Variants in PTPRA observed in about 807,000 individuals in gnomAD.
PTPRA encodes the protein protein tyrosine phosphatase receptor type A, also known as receptor-type tyrosine-protein phosphatase alpha.
Under a neutral mutation model 104.8 loss-of-function variants are expected in PTPRA, and 25 were observed. The ratio of observed to expected loss-of-function variants is 0.24; its 90% CI spans 0.17 to 0.33. PTPRA has a LOEUF of 0.33. PTPRA is among the 10% of genes least tolerant of loss of function. The pLI, the probability that PTPRA is intolerant of heterozygous loss-of-function variation, is 1.00. For synonymous variants in PTPRA, 323 were observed against 368.9 expected, an observed-to-expected ratio of 0.88 and a Z score of 1.43; for missense variants, 765 against 1,015.3, an observed-to-expected ratio of 0.75 and a Z score of 3.35.
Position 3,022,034 on chromosome 20 carries a change from A to AAG in PTPRA, c.1162-20_1162-19insAG. 1 of 1,613,678 alleles carries AAG rather than the reference A, an allele frequency of 6.2e-7. No individual in the cohort carries two copies. The highest frequency in any genetic ancestry group is 1.1e-5 in the South Asian group (1 of 91,034). ...CCCTTGGGTATCAGGGCCAACACAC[A>AAG]GGATCTCCTCACTTCACAGGTGGGC... On this transcript the variant is annotated intron_variant, in intron 14 of 23. Coordinates refer to ENST00000399903, the MANE Select transcript of PTPRA (RefSeq NM_001385305.1). This position sits in a 1 kb window ranked among gnomAD's most constrained non-coding sequence, Gnocchi z 4.6.
rs1383426976 is a variant in PTPRA, at chr20:3,035,773, TC to T, written c.2047-13del. On this transcript the variant is annotated splice_polypyrimidine_tract_variant and intron_variant, in intron 21 of 23. Coordinates refer to ENST00000399903, the MANE Select transcript of PTPRA (RefSeq NM_001385305.1). This position sits in a 1 kb window ranked among gnomAD's most constrained non-coding sequence, Gnocchi z 5.8. ...AGCAGGGTTACCCCTGCCTCCCTGA[TC>T]CCCTTTTTTCCAAAGGAGAATAAGA... 2.0e-5 allele frequency: 32 copies of T among 1,614,092 alleles called. No individual in the cohort carries two copies. The highest frequency in any genetic ancestry group is 2.3e-5 in the Non-Finnish European group (27 of 1,180,016).
chr20:2,994,091 C>T (rs1009045389), intron 9 of PTPRA, among the ~76,000 whole-genome samples: 2 of 152,198 alleles, frequency 1.3e-5, no homozygotes, highest in South Asian at 4.1e-4. Flanking sequence ...AAGTAGCTAC[C>T]TCAAGGCCAG....
chr20:3,035,598 A>C lies in PTPRA; in HGVS notation c.1934A>C (p.Gln645Pro). 1 of 1,612,250 alleles carries C rather than the reference A, an allele frequency of 6.2e-7. No individual in the cohort carries two copies. Among genetic ancestry groups the C allele is most frequent in the Non-Finnish European group, 8.5e-7 (1 of 1,178,298 alleles). Reference protein sequence around the residue: ...LEERGQEKCAQYWPSDGLVSY... With the variant: ...LEERGQEKCAPYWPSDGLVSY... The stretch of plus-strand genomic sequence containing the variant: ...CTGTCTCTCCAGGAGAAGTGTGCCC[A>C]GTACTGGCCATCTGATGGACTGGTG... The change falls in exon 21 of 24, where the codon CAG (glutamine) becomes CCG (proline). Residue 645 changes from glutamine to proline, a missense_variant. By Grantham distance (76) the Gln-to-Pro change is moderately conservative. Transcript: ENST00000399903. This position sits in a 1 kb window ranked among gnomAD's most constrained non-coding sequence, Gnocchi z 5.8.
At chr20:2,913,235 G>C (rs6138945) in intron 1 of PTPRA, among the ~76,000 whole-genome samples, 5,735 of 152,112 alleles carry the variant, frequency 0.038, 269 homozygotes, top group Admixed American at 0.11. Flanking sequence ...AAAATGAGCC[G>C]AGCTTGGTGG....
At chr20:2,871,449 A>T (rs2089426069), upstream of PTPRA, among the ~76,000 whole-genome samples, 1 of 152,156 alleles carries the variant, frequency 6.6e-6, no homozygotes, top group Admixed American at 6.5e-5. Context: ...TGCAATCACT[A>T]TTTCAGTTAT....
Position 3,035,821 on chromosome 20 carries a change from A to G in PTPRA, c.2078A>G (p.His693Arg). 3.1e-6 allele frequency: 5 copies of G among 1,614,170 alleles called. No homozygotes were observed. Among genetic ancestry groups the G allele is most frequent in the Admixed American group, 1.7e-5 (1 of 60,032 alleles). Residue 693 changes from histidine to arginine, a missense_variant, in exon 22 of 24, where the codon CAC becomes CGC. Around this residue, in one of 4 missense-constraint regions of PTPRA, gnomAD observed 192 missense variants for 227.0 expected, o/e 0.85. Transcript: ENST00000399903. This position sits in a 1 kb window ranked among gnomAD's most constrained non-coding sequence, Gnocchi z 5.8. ...ENKSRQIRQF[H>R]FHGWPEVGIP... ...AAGAGCCGGCAGATCCGGCAGTTCC[A>G]CTTCCATGGCTGGCCTGAAGTGGGC...
intron 1 of PTPRA, among the ~76,000 whole-genome samples, chr20:2,892,289 CA>C (rs34741114): frequency 0.44 from 35,782 of 80,646 alleles, 3,904 homozygotes; most frequent in South Asian, 0.58. Context: ...GACTCTGTCT[CA>C]AAAAAAAAAA....
At chr20:2,926,161 C>A (rs1214465241) in intron 2 of PTPRA, among the ~76,000 whole-genome samples, 1 of 151,714 alleles carries the variant, frequency 6.6e-6, no homozygotes, top group East Asian at 1.9e-4. Context: ...GGGAATTTAC[C>A]TTACACTATC....
rs1242769053 is a variant in PTPRA at position 2,984,250 on chromosome 20, CATCT to C, written c.443-2514_443-2511del. 5.3e-5 allele frequency among the ~76,000 whole-genome samples: 8 copies of C among 152,260 alleles called. No individual in the cohort carries two copies. In the East Asian group the frequency reaches 9.7e-4, roughly 18 times the overall value. On this transcript the variant is annotated intron_variant, in intron 6 of 23. Coordinates refer to ENST00000399903, the MANE Select transcript of PTPRA (RefSeq NM_001385305.1). ...TGTCCACCTCACTCACATCTCCCTC[CATCT>C]GTCATTCCTTTCCTCTGCATCCCTT...
chr20:3,019,701 G>A (rs1396579092), intron 13 of PTPRA, among the ~76,000 whole-genome samples: 5 of 152,296 alleles, frequency 3.3e-5, no homozygotes, highest in African/African-American at 4.8e-5. Context: ...CAATCTCGGC[G>A]CTTTGGGAGG....
At chr20:2,902,033 G>C (rs527980054) in intron 1 of PTPRA, among the ~76,000 whole-genome samples, 24 of 151,898 alleles carry the variant, frequency 1.6e-4, no homozygotes, top group Admixed American at 4.6e-4. Flanking sequence ...CTACAGGTGA[G>C]CATTACCACA....
chr20:2,937,438 TGGTACA>T (rs1275448244), intron 2 of PTPRA, among the ~76,000 whole-genome samples: 1 of 152,172 alleles, frequency 6.6e-6, no homozygotes, highest in South Asian at 2.1e-4. Context: ...TCCTTCTTTA[TGGTACA>T]GTTGTCTTAA....
At chr20:2,935,405 A>G (rs1384219788) in intron 2 of PTPRA, among the ~76,000 whole-genome samples, 2 of 152,178 alleles carry the variant, frequency 1.3e-5, no homozygotes, top group African/African-American at 4.8e-5. Flanking sequence ...AATGAATGAA[A>G]ACACTTAGGT....
chr20:2,898,714 C>A (rs968433425), intron 1 of PTPRA, among the ~76,000 whole-genome samples: 5 of 151,828 alleles, frequency 3.3e-5, no homozygotes, highest in Non-Finnish European at 5.9e-5. Context: ...AAAAATTAGC[C>A]GGGCATAGTG....
chr20:2,917,463 G>A (rs993279295), intron 1 of PTPRA, among the ~76,000 whole-genome samples: 4 of 152,012 alleles, frequency 2.6e-5, no homozygotes, highest in East Asian at 1.9e-4. Flanking sequence ...TTATTCAAAA[G>A]TCTTAACAAA....
chr20:3,015,884 A>G lies in PTPRA; in HGVS notation c.942A>G (p.Gln314=), dbSNP rs772413628. 1 of 1,565,128 alleles carries G rather than the reference A, an allele frequency of 6.4e-7. No homozygotes were observed. The highest frequency in any genetic ancestry group is 8.8e-7 in the Non-Finnish European group (1 of 1,135,944). The change falls in exon 12 of 24, where the codon CAA becomes CAG. Residue 314 remains glutamine (Q), a splice_region_variant and synonymous_variant. Coordinates refer to ENST00000399903, the MANE Select transcript of PTPRA (RefSeq NM_001385305.1). ...YQEKNKFIAA[Q]GPKEETVNDF... is the part of the protein sequence containing the mutation. ...AAAAGAACAAATTCATTGCTGCACA[A>G]GGTAAAGTAATGACAACTTTTTTCT...
At chr20:2,989,808 G>A (rs1426642629) in intron 9 of PTPRA, among the ~76,000 whole-genome samples, 7 of 152,102 alleles carry the variant, frequency 4.6e-5, no homozygotes, top group Non-Finnish European at 8.8e-5. Context: ...ACAAGGTCAG[G>A]AGATCGAGAC....
chr20:2,888,911 C>T (rs1230652713), intron 1 of PTPRA, among the ~76,000 whole-genome samples: 2 of 152,100 alleles, frequency 1.3e-5, no homozygotes, highest in African/African-American at 4.8e-5. Flanking sequence ...ATGTTCTTAC[C>T]TTTGGGTGGG....
intron 1 of PTPRA, among the ~76,000 whole-genome samples, chr20:2,875,614 A>G (rs561412993): frequency 2.3e-4 from 35 of 152,326 alleles, no homozygotes; most frequent in African/African-American, 7.7e-4. Flanking sequence ...CACAGGTGCT[A>G]TAAGATTGTG....
Sources: allele counts gnomAD v4.1 joint callset (sites outside exome capture counted in the v4.1 genomes callset), GRCh38; gene constraint gnomAD v4.1.1; regional missense constraint gnomAD v4.1.1; non-coding constraint Gnocchi (gnomAD v3.1); transcripts MANE v1.5; gene names NCBI Gene and HGNC (gene_info 2026-07-23, HGNC 2026-07-21).